Variants in HSPG2 observed in about 807,000 individuals in gnomAD.
The protein encoded by HSPG2 is basement membrane-specific heparan sulfate proteoglycan core protein.
In HSPG2, 278 loss-of-function variants were observed where a neutral mutation model predicts 526.6. That is an observed-to-expected ratio of 0.53 (90% confidence interval 0.48 to 0.58). The LOEUF (loss-of-function observed/expected upper bound fraction) is 0.58, where lower values mean the gene tolerates loss of function less well. HSPG2 is among the 20% of genes least tolerant of loss of function. The pLI, the probability that HSPG2 is intolerant of heterozygous loss-of-function variation, is 0.00. For missense variants in HSPG2, 5,354 were observed against 6,099.5 expected, an observed-to-expected ratio of 0.88 and a Z score of 4.07; for synonymous variants, 2,465 against 2,555.4, an observed-to-expected ratio of 0.96 and a Z score of 1.07.
rs200150908 is a variant in HSPG2, at chr1:21,828,311, G to A, written c.12353C>T (p.Thr4118Met). 4.2e-5 allele frequency: 68 copies of A among 1,613,856 alleles called. 1 individual carries two copies. Among genetic ancestry groups the A allele is most frequent in the Middle Eastern group, 3.3e-4 (2 of 6,062 alleles). Reference sequence around the variant, plus strand: ...CTCATACTCGCCAGCGGGCATGCACGTGGCACCATGTTGGCAAGGCTGGCG... The same window carrying A: ...CTCATACTCGCCAGCGGGCATGCACATGGCACCATGTTGGCAAGGCTGGCG... ...CERQPCQHGA[T>M]CMPAGEYEFQ... The change falls in exon 89 of 97, where the codon ACG (threonine) becomes ATG (methionine). Residue 4118 changes from threonine to methionine, a missense_variant. Transcript: ENST00000374695. The surrounding 1 kb of genome is among the most constrained non-coding windows in gnomAD (Gnocchi z 6.0).
chr1:21,932,388 G>A (rs953033761), intron 1 of HSPG2, among the ~76,000 whole-genome samples: 3 of 152,196 alleles, frequency 2.0e-5, no homozygotes, highest in Non-Finnish European at 4.4e-5. Flanking sequence ...ACCTCTCAGT[G>A]CCTCAATGTC....
At position 21,892,719 on chromosome 1, in the gene HSPG2, G is replaced by A. The variant is rs151149549; in HGVS notation, c.245-2025C>T. 3.4e-3 allele frequency among the ~76,000 whole-genome samples: 521 copies of A among 152,208 alleles called. 2 individuals carry two copies. The highest frequency in any genetic ancestry group is 5.2e-3 in the Non-Finnish European group (355 of 67,986). On this transcript the variant is annotated intron_variant, in intron 3 of 96. Coordinates refer to ENST00000374695, the MANE Select transcript of HSPG2 (RefSeq NM_005529.7). ...GTGAAAATACAAAAATTAACCAGGC[G>A]TGGTAGTGCATGCCTGTAATCCCAG...
intron 1 of HSPG2, among the ~76,000 whole-genome samples, chr1:21,935,952 G>C (rs1644477764): frequency 6.6e-6 from 1 of 152,142 alleles, no homozygotes; most frequent in Admixed American, 6.5e-5. Flanking sequence ...GCCAGGTCTG[G>C]GTGGGGGCTT....
chr1:21,876,749 C>T, intron 21 of HSPG2, 97 bp from the exon 22 acceptor site: 7 of 1,528,076 alleles, frequency 4.6e-6, no homozygotes, highest in Non-Finnish European at 6.3e-6. Flanking sequence ...AACCCAAGAC[C>T]CAGGGGAGCC....
intron 49 of HSPG2, 98 bp downstream of exon 49, chr1:21,854,513 G>A: frequency 1.4e-6 from 2 of 1,457,856 alleles, no homozygotes; most frequent in Admixed American, 2.1e-5. Flanking sequence ...TGGAACGTGT[G>A]GGGCAGTGTG....
chr1:21,842,478 A>C, intron 67 of HSPG2, 98 bp from the exon 68 acceptor site: 2 of 1,359,534 alleles, frequency 1.5e-6, no homozygotes, highest in Non-Finnish European at 2.0e-6. Flanking sequence ...TTCTCTCGGA[A>C]GCTCAGGGTC....
chr1:21,839,224 G>A lies in HSPG2; in HGVS notation c.9890-139C>T, dbSNP rs1375731677. The stretch of plus-strand genomic sequence containing the variant: ...AAGGAAAGCAAAGGTCCCAGGCCAG[G>A]GTGTGGGTGTCGGGCAGGGCAGGCT... On this transcript the variant is annotated intron_variant, in intron 73 of 96. Transcript: ENST00000374695. The surrounding 1 kb of genome is among the most constrained non-coding windows in gnomAD (Gnocchi z 4.5). 5.6e-6 allele frequency: 8 copies of A among 1,432,916 alleles called. No individual in the cohort carries two copies. Among genetic ancestry groups the A allele is most frequent in the Admixed American group, 5.4e-5 (3 of 55,116 alleles). 88.8% of individuals were successfully genotyped at this position (1,432,916 alleles called of 1,614,324 possible).
At position 21,855,674 on chromosome 1, in the gene HSPG2, C is replaced by T. The variant is rs750729274; in HGVS notation, c.5703G>A (p.Gly1901=). 87 of 1,577,666 alleles carry T rather than the reference C, an allele frequency of 5.5e-5. No individual in the cohort carries two copies. The highest frequency in any genetic ancestry group is 7.1e-5 in the Non-Finnish European group (83 of 1,164,454). The change falls in exon 46 of 97, where the codon GGG becomes GGA. Residue 1901 remains glycine, a splice_region_variant and synonymous_variant. Coordinates refer to ENST00000374695, the MANE Select transcript of HSPG2 (RefSeq NM_005529.7). ...TCGCAGGGAGCTGGCCGCCGGGGCC[C>T]CCTGACGAGTAGACGTGGGGTCAGC... The part of the protein sequence containing the change: ...GSPTPTLEWT[G]GPGGQLPAKA...
At chr1:21,934,666 G>A (rs1312575174) in intron 1 of HSPG2, among the ~76,000 whole-genome samples, 1 of 151,870 alleles carries the variant, frequency 6.6e-6, no homozygotes, top group East Asian at 1.9e-4. Flanking sequence ...CGCGATCTCG[G>A]CTCACTGCAA....
intron 1 of HSPG2, among the ~76,000 whole-genome samples, chr1:21,925,962 T>C (rs1044112794): frequency 2.6e-5 from 4 of 152,034 alleles, no homozygotes; most frequent in African/African-American, 9.7e-5. Flanking sequence ...CCCAAGCAGC[T>C]GGCACTACAG....
intron 1 of HSPG2, among the ~76,000 whole-genome samples, chr1:21,928,944 G>C (rs1224332597): frequency 6.6e-6 from 1 of 151,804 alleles, no homozygotes; most frequent in African/African-American, 2.4e-5. Flanking sequence ...ATTTTCAGTA[G>C]AGACGAGGTT....
At chr1:21,913,205 G>C (rs1643760780) in intron 1 of HSPG2, among the ~76,000 whole-genome samples, 1 of 152,110 alleles carries the variant, frequency 6.6e-6, no homozygotes, top group South Asian at 2.1e-4. Flanking sequence ...ACACAGATGA[G>C]GCCTCTGGGA....
rs777776748 is a variant in HSPG2, at chr1:21,858,045, C to G, written c.5294-660G>C. ...CTAGGATTTCCCATTTCCGAAAACT[C>G]CCCCTTGACCTCATGCTCTCGCAGT... On this transcript the variant is annotated intron_variant, in intron 42 of 96. Transcript: ENST00000374695. This position sits in a 1 kb window ranked among gnomAD's most constrained non-coding sequence, Gnocchi z 4.2. 2.6e-5 allele frequency among the ~76,000 whole-genome samples: 4 copies of G among 152,190 alleles called. No individual in the cohort carries two copies. The South Asian group carries it at 8.3e-4, about 31-fold the overall frequency.
intron 1 of HSPG2, among the ~76,000 whole-genome samples, chr1:21,910,398 G>A (rs1643598974): frequency 1.3e-5 from 2 of 152,212 alleles, no homozygotes; most frequent in Admixed American, 1.3e-4. Context: ...CCACAGGGCT[G>A]CCTCCTGTGC....
rs146203174 is a variant in HSPG2 at position 21,868,115 on chromosome 1, T to C, written c.4222-2306A>G. 2.1e-3 allele frequency among the ~76,000 whole-genome samples: 317 copies of C among 152,148 alleles called. 9 individuals are homozygous for C. Among genetic ancestry groups the C allele is most frequent in the African/African-American group, 7.0e-3 (290 of 41,506 alleles). ...GTGAAGTGGCATGATCTAGGCTCAC[T>C]GCAACCTCCGCCTCCCAGGTTCAAG... is the stretch of plus-strand genomic sequence containing the variant. On this transcript the variant is annotated intron_variant, in intron 33 of 96. Transcript: ENST00000374695.
In HSPG2 at chr1:21,887,138, G is replaced by C; in HGVS notation, c.1078+77C>G. ...AGCGGAGGGGCAGGGTAGGGGCGGG[G>C]CAGGAGTGGAAGGCGGGGCAGGAGC... On this transcript the variant is annotated intron_variant, in intron 9 of 96. Transcript: ENST00000374695. The surrounding 1 kb of genome is among the most constrained non-coding windows in gnomAD (Gnocchi z 5.0). The C allele has an allele frequency of 6.5e-7, 1 of 1,540,058 alleles. No individual in the cohort carries two copies. Among genetic ancestry groups the C allele is most frequent in the Non-Finnish European group, 8.9e-7 (1 of 1,123,718 alleles).
Position 21,895,823 on chromosome 1 carries a change from C to T in HSPG2, c.244+99G>A. ...CACACCCACTTCTTCTTGCTTTGTA[C>T]CCCAGGGCAGGCCCAAGGAGCCCTC... On this transcript the variant is annotated intron_variant, in intron 3 of 96. Transcript: ENST00000374695. The surrounding 1 kb of genome is among the most constrained non-coding windows in gnomAD (Gnocchi z 4.1). 5.5e-6 allele frequency: 6 copies of T among 1,099,758 alleles called. No homozygotes were observed. The highest frequency in any genetic ancestry group is 1.3e-5 in the South Asian group (1 of 79,416). 68.1% of individuals were successfully genotyped at this position (1,099,758 alleles called of 1,614,324 possible). A position where few individuals can be genotyped will look rare whatever the true frequency, so the allele number is the denominator to read the frequency against.
chr1:21,890,809 G>C lies in HSPG2; in HGVS notation c.245-115C>G. On this transcript the variant is annotated intron_variant, in intron 3 of 96. Coordinates refer to ENST00000374695, the MANE Select transcript of HSPG2 (RefSeq NM_005529.7). The surrounding 1 kb of genome is among the most constrained non-coding windows in gnomAD (Gnocchi z 4.1). ...ATGGCCCCCAGAGGCCTCCCTCGAGGCTGACACCTGTGTGCCCACTGCTAC... is the reference window on the plus strand; with the variant it reads ...ATGGCCCCCAGAGGCCTCCCTCGAGCCTGACACCTGTGTGCCCACTGCTAC... 1.3e-6 allele frequency: 1 copy of C among 763,150 alleles called. No homozygotes were observed. Among genetic ancestry groups the C allele is most frequent in the South Asian group, 1.4e-5 (1 of 69,458 alleles). The allele number at this position is 763,150 out of a possible 1,614,324, so 47.3% of individuals were successfully genotyped here.
intron 1 of HSPG2, among the ~76,000 whole-genome samples, chr1:21,911,616 G>C (rs866190590): frequency 2.0e-5 from 3 of 152,234 alleles, no homozygotes; most frequent in African/African-American, 7.2e-5. Context: ...CCGGAGCAAA[G>C]GTCTGGGGCT....
Sources: allele counts gnomAD v4.1 joint callset (sites outside exome capture counted in the v4.1 genomes callset), GRCh38; gene constraint gnomAD v4.1.1; non-coding constraint Gnocchi (gnomAD v3.1); transcripts MANE v1.5; gene names NCBI Gene and HGNC (gene_info 2026-07-23, HGNC 2026-07-21).